SCARF1: variants seen among roughly 807,000 people sequenced by gnomAD.
SCARF1 encodes the protein scavenger receptor class F member 1.
SCARF1 carries 49 observed loss-of-function variants against 76.3 expected under a neutral mutation model. The observed-to-expected ratio is 0.64, with a 90% CI of 0.51 to 0.81. The LOEUF (loss-of-function observed/expected upper bound fraction) is 0.81, where lower values mean the gene tolerates loss of function less well. SCARF1 is among the 40% of genes least tolerant of loss of function. The pLI, the probability that SCARF1 is intolerant of heterozygous loss-of-function variation, is 0.00. For synonymous variants in SCARF1, 495 were observed against 474.6 expected (o/e 1.04, Z -0.56); for missense variants, 1,098 against 1,143.9 (o/e 0.96, Z 0.58).
rs1388415996 is a variant in SCARF1, at chr17:1,635,351, C to G, written c.1900G>C (p.Glu634Gln). The change falls in exon 11 of 11, where the codon GAG becomes CAG. Residue 634 changes from glutamate (E) to glutamine (Q), a missense_variant. Coordinates refer to ENST00000263071, the MANE Select transcript of SCARF1 (RefSeq NM_003693.4). ...QSGPEGREAE[E>Q]STGPEEAEAP... ...TCTGCTTCCTCTGGGCCTGTGGACT[C>G]TTCGGCTTCCCGGCCCTCAGGACCC... 1 of 1,613,106 alleles carries G rather than the reference C, an allele frequency of 6.2e-7. No individual in the cohort carries two copies. Among genetic ancestry groups the G allele is most frequent in the East Asian group, 2.2e-5 (1 of 44,882 alleles).
chr17:1,642,187 T>TA (rs1181728543), intron 4 of SCARF1, among the ~76,000 whole-genome samples: 12 of 141,904 alleles, frequency 8.5e-5, no homozygotes, highest in African/African-American at 1.7e-4. Context: ...TTTATATATA[T>TA]TTTTTTATTA....
In SCARF1 at chr17:1,643,562, T is replaced by C; in HGVS notation, c.671A>G (p.Glu224Gly). 1 of 1,470,844 alleles carries C rather than the reference T, an allele frequency of 6.8e-7. No individual in the cohort carries two copies. The allele number at this position is 1,470,844 out of a possible 1,614,324, so 91.1% of individuals were successfully genotyped here. ...GGCGCTGCAGCGGCCCCGCACACAC[T>C]CGCACTGCTGCTGGCATTCGGGACC... ...WWGPECQQQC[E>G]CVRGRCSAAS... The change falls in exon 4 of 11, where the codon GAG becomes GGG. Residue 224 changes from glutamate (E) to glycine (G), a missense_variant. Coordinates refer to ENST00000263071, the MANE Select transcript of SCARF1 (RefSeq NM_003693.4).
In SCARF1 at chr17:1,643,436, G is replaced by C; in HGVS notation, c.791+6C>G. 9.1e-7 allele frequency: 1 copy of C among 1,096,584 alleles called. No homozygotes were observed. Among genetic ancestry groups the C allele is most frequent in the Non-Finnish European group, 1.1e-6 (1 of 902,374 alleles). 67.9% of individuals were successfully genotyped at this position (1,096,584 alleles called of 1,614,324 possible). On this transcript the variant is annotated splice_donor_region_variant and intron_variant, in intron 4 of 10. Transcript: ENST00000263071. ...CAGCCCACCTGTCCCCGCCCCGCCC[G>C]CTCACCTGTGTGCGCACTGCACCCC...
rs1910459521 is a variant in SCARF1 at position 1,645,454 on chromosome 17, T to C, written c.101+143A>G. The C allele has an allele frequency of 5.3e-6, 8 of 1,515,546 alleles. No individual in the cohort carries two copies. The highest frequency in any genetic ancestry group is 4.8e-5 in the South Asian group (4 of 83,434). The allele number at this position is 1,515,546 out of a possible 1,614,324, so 93.9% of individuals were successfully genotyped here. On this transcript the variant is annotated intron_variant, in intron 1 of 10. Transcript: ENST00000263071. This position sits in a 1 kb window ranked among gnomAD's most constrained non-coding sequence, Gnocchi z 6.3. The stretch of plus-strand genomic sequence containing the variant: ...CTGGCCACTACCTGCCAGACCGCCA[T>C]CAGCAGTCCCTTCCTTTCAGCCTAA...
At chr17:1,639,541 G>T in intron 7 of SCARF1, 98 bp downstream of exon 7, 5 of 730,904 alleles carry the variant, frequency 6.8e-6, no homozygotes, top group South Asian at 1.6e-5. Context: ...TATCTCTGAA[G>T]TGGGCCCAGA....
chr17:1,636,882 G>A (rs1909614538), intron 9 of SCARF1, 27 bp from the exon 10 acceptor site: 1 of 1,613,796 alleles, frequency 6.2e-7, no homozygotes, highest in Non-Finnish European at 8.5e-7. Context: ...TCAGGCGCCT[G>A]CAGGACCTGA....
Position 1,635,334 on chromosome 17 carries a change from C to G in SCARF1, c.1917G>C (p.Glu639Asp), listed in dbSNP as rs3744644. The G allele has an allele frequency of 0.98, 1,586,915 of 1,613,112 alleles. 782,748 individuals carry two copies. The highest frequency in any genetic ancestry group is 1 in the Non-Finnish European group (1,178,516 of 1,179,664). Residue 639 changes from glutamate (E) to aspartate (D), a missense_variant, in exon 11 of 11, where the codon GAG (glutamate) becomes GAC (aspartate). Glu to Asp is a conservative substitution (Grantham distance 45). Transcript: ENST00000263071. ...GREAEESTGP[E>D]EAEAPESFPA... The stretch of plus-strand genomic sequence containing the variant: ...GAAAGGACTCGGGGGCTTCTGCTTC[C>G]TCTGGGCCTGTGGACTCTTCGGCTT...
At position 1,643,756 on chromosome 17, in the gene SCARF1, G is replaced by A; in HGVS notation, c.477C>T (p.Cys159=). 7.8e-7 allele frequency: 1 copy of A among 1,287,656 alleles called. No individual in the cohort carries two copies. The highest frequency in any genetic ancestry group is 9.8e-7 in the Non-Finnish European group (1 of 1,021,722). The allele number at this position is 1,287,656 out of a possible 1,614,324, so 79.8% of individuals were successfully genotyped here. ...CGGTGTTGCACTGGCACGGGCGGCG[G>A]CACGTGGACGACCACCAGCCGGGTT... The part of the protein sequence containing the change: ...HCEPGWWSST[C]RRPCQCNTAA... Residue 159 remains cysteine, a synonymous_variant, in exon 4 of 11, where the codon TGC becomes TGT. Transcript: ENST00000263071.
rs757798683 is a variant in SCARF1 at position 1,644,894 on chromosome 17, A to C, written c.205T>G (p.Cys69Gly). The change falls in exon 3 of 11, where the codon TGT (cysteine) becomes GGT (glycine). Residue 69 changes from cysteine (C) to glycine (G), a missense_variant. Physicochemically the swap from Cys to Gly is radical, Grantham distance 159. Transcript: ENST00000263071. The surrounding 1 kb of genome is among the most constrained non-coding windows in gnomAD (Gnocchi z 4.8). ...GPDACQKDEV[C>G]VKPGLCRCKP... ...CATCGACAGAGGCCCGGCTTCACAC[A>C]CACCTCGTCTTTCTGGCAGGCGTCC... 1.2e-6 allele frequency: 2 copies of C among 1,613,474 alleles called. No homozygotes were observed. Among genetic ancestry groups the C allele is most frequent in the Non-Finnish European group, 1.7e-6 (2 of 1,179,952 alleles).
At chr17:1,637,794 C>T (rs1305567654) in intron 8 of SCARF1, among the ~76,000 whole-genome samples, 1 of 152,140 alleles carries the variant, frequency 6.6e-6, no homozygotes, top group Non-Finnish European at 1.5e-5. Context: ...ATGACACCCC[C>T]TCCAGGAAGC....
chr17:1,634,696 A>AT lies in SCARF1; in HGVS notation c.*61dup. ...GTTTGTCTGTCCTGGCCCCGGGATCATTTTCCAGCACACAGCACAGTCTAG... is the reference window on the plus strand; with the variant it reads ...GTTTGTCTGTCCTGGCCCCGGGATCATTTTTCCAGCACACAGCACAGTCTAG... On this transcript the variant is annotated 3_prime_UTR_variant, in exon 11 of 11. Transcript: ENST00000263071. 1 of 1,503,116 alleles carries AT rather than the reference A, an allele frequency of 6.7e-7. No homozygotes were observed. The highest frequency in any genetic ancestry group is 8.9e-7 in the Non-Finnish European group (1 of 1,125,486). The allele number at this position is 1,503,116 out of a possible 1,614,324, so 93.1% of individuals were successfully genotyped here.
chr17:1,639,570 G>T, intron 7 of SCARF1, 69 bp downstream of exon 7: 2 of 1,043,844 alleles, frequency 1.9e-6, no homozygotes, highest in South Asian at 1.4e-5. Flanking sequence ...TGAGGAACTT[G>T]CCCTGGAGCC....
At chr17:1,639,001 G>A (rs939351097) in intron 7 of SCARF1, 75 bp from the exon 8 acceptor site, 3 of 1,437,444 alleles carry the variant, frequency 2.1e-6, no homozygotes, top group Admixed American at 2.1e-5. Context: ...TGAGTTGCCT[G>A]CTACCCAGAA....
Position 1,643,606 on chromosome 17 carries a change from G to A in SCARF1, c.627C>T (p.Ala209=), listed in dbSNP as rs1486396430. ...CGGGACCCCACCAGCCCGGCCGGCA[G>A]GCGCAGCGGCCGGAGTCCTGCTCGC... ...SPCEQDSGRC[A]CRPGWWGPEC... Residue 209 remains alanine (A), a synonymous_variant, in exon 4 of 11, where the codon GCC becomes GCT. Coordinates refer to ENST00000263071, the MANE Select transcript of SCARF1 (RefSeq NM_003693.4). The A allele has an allele frequency of 1.4e-6, 2 of 1,472,992 alleles. No individual in the cohort carries two copies. The highest frequency in any genetic ancestry group is 1.8e-6 in the Non-Finnish European group (2 of 1,119,950). The allele number at this position is 1,472,992 out of a possible 1,614,324, so 91.2% of individuals were successfully genotyped here. A position where few individuals can be genotyped will look rare whatever the true frequency, so the allele number is the denominator to read the frequency against.
rs557537238 is a variant in SCARF1, at chr17:1,635,148, G to A, written c.2103C>T (p.Ser701=). 2.5e-6 allele frequency: 4 copies of A among 1,613,426 alleles called. No homozygotes were observed. The highest frequency in any genetic ancestry group is 4.5e-5 in the East Asian group (2 of 44,884). The part of the protein sequence containing the change: ...IYMLAGKPRG[S]EGPVRSVFRH... ...GGAAGACAGAGCGGACAGGGCCTTCGGATCCGCGGGGCTTCCCTGCCAGCA... is the reference window on the plus strand; with the variant it reads ...GGAAGACAGAGCGGACAGGGCCTTCAGATCCGCGGGGCTTCCCTGCCAGCA... Residue 701 remains serine, a synonymous_variant, in exon 11 of 11, where the codon TCC becomes TCT. Transcript: ENST00000263071.
In SCARF1 at chr17:1,645,342, C is replaced by A; in HGVS notation, c.102-103G>T. 1 of 1,475,380 alleles carries A rather than the reference C, an allele frequency of 6.8e-7. No individual in the cohort carries two copies. The allele number at this position is 1,475,380 out of a possible 1,614,324, so 91.4% of individuals were successfully genotyped here. A position where few individuals can be genotyped will look rare whatever the true frequency, so the allele number is the denominator to read the frequency against. On this transcript the variant is annotated intron_variant, in intron 1 of 10. Transcript: ENST00000263071. This position sits in a 1 kb window ranked among gnomAD's most constrained non-coding sequence, Gnocchi z 6.3. ...GCTGCAGTGGGGGAGGCTGCCTTAG[C>A]CCCCTGGGGAGGCCTAATGGATCTT...
chr17:1,637,379 CATCT>C (rs949064846), intron 8 of SCARF1, among the ~76,000 whole-genome samples: 3 of 149,044 alleles, frequency 2.0e-5, no homozygotes, highest in East Asian at 2.0e-4. Flanking sequence ...TATATCTATC[CATCT>C]ATCTATCATC....
At chr17:1,642,116 C>G (rs1449602960) in intron 4 of SCARF1, among the ~76,000 whole-genome samples, 2 of 151,802 alleles carry the variant, frequency 1.3e-5, no homozygotes, top group African/African-American at 4.8e-5. Flanking sequence ...GTCACTCGAT[C>G]CACTTATTTA....
chr17:1,634,804 G>A lies in SCARF1; in HGVS notation c.2447C>T (p.Pro816Leu). ...KQAEEERQEE[P>L]EYENVVPISR... ...GATGGGTACAACATTCTCATACTCA[G>A]GTTCCTCCTGCCTTTCCTCTTCAGC... The change falls in exon 11 of 11, where the codon CCT becomes CTT. Residue 816 changes from proline (P) to leucine (L), a missense_variant. Coordinates refer to ENST00000263071, the MANE Select transcript of SCARF1 (RefSeq NM_003693.4). The A allele has an allele frequency of 6.2e-7, 1 of 1,611,510 alleles. No individual in the cohort carries two copies. Among genetic ancestry groups the A allele is most frequent in the Non-Finnish European group, 8.5e-7 (1 of 1,178,870 alleles).
Sources: gnomAD v4.1 joint callset for allele counts (sites outside exome capture counted in the v4.1 genomes callset) on GRCh38, gnomAD v4.1.1 for gene constraint, Gnocchi (gnomAD v3.1) non-coding constraint, MANE v1.5 for transcripts, NCBI Gene and HGNC (gene_info 2026-07-23, HGNC 2026-07-21) for gene names.